ANK2: variants seen among roughly 807,000 people sequenced by gnomAD.
ANK2 encodes the protein ankyrin 2, also known as ankyrin-2.
ANK2 carries 83 observed loss-of-function variants against 360.5 expected under a neutral mutation model. The ratio of observed to expected loss-of-function variants is 0.23; its 90% confidence interval spans 0.19 to 0.28. The LOEUF is 0.28. Ranked by LOEUF, ANK2 falls within the 10% of genes least tolerant of loss-of-function variation. The pLI, the probability that ANK2 is intolerant of heterozygous loss-of-function variation, is 1.00. For missense variants in ANK2, 4,201 were observed against 4,795.7 expected, an observed-to-expected ratio of 0.88 and a Z score of 3.66; for synonymous variants, 1,740 against 1,759.5, an observed-to-expected ratio of 0.99 and a Z score of 0.28.
At chr4:112,707,502 C>CT in the ANK2 span, among the ~76,000 whole-genome samples, 3 of 151,734 alleles carry the variant, frequency 2.0e-5, no homozygotes, top group South Asian at 2.1e-4. Context: ...TGGAGCTATT[C>CT]TTTTTTTTAT....
At chr4:113,233,390 C>T (rs1225519052) in intron 5 of ANK2, among the ~76,000 whole-genome samples, 1 of 151,786 alleles carries the variant, frequency 6.6e-6, no homozygotes, top group Non-Finnish European at 1.5e-5. Context: ...CCGCCTCGGC[C>T]TCCCAAAGTG....
intron 1 of ANK2, among the ~76,000 whole-genome samples, chr4:113,166,436 T>G (rs796638022): frequency 6.6e-6 from 1 of 152,034 alleles, no homozygotes; most frequent in Admixed American, 6.5e-5. Context: ...TAAGTGTGTA[T>G]GTATATATGT....
chr4:113,211,966 A>C (rs929328042), intron 4 of ANK2, among the ~76,000 whole-genome samples: 11 of 152,148 alleles, frequency 7.2e-5, no homozygotes, highest in Non-Finnish European at 1.5e-4. Flanking sequence ...ATAAACAATT[A>C]CATCTTTACT....
chr4:112,991,006 C>A (rs755519170), intron 2 of ANK2, among the ~76,000 whole-genome samples: 1 of 152,178 alleles, frequency 6.6e-6, no homozygotes, highest in Non-Finnish European at 1.5e-5. Flanking sequence ...AATCCCAGCA[C>A]TTTGGGAGGC....
chr4:113,164,847 A>T (rs1336959538), intron 1 of ANK2, among the ~76,000 whole-genome samples: 3 of 152,204 alleles, frequency 2.0e-5, no homozygotes, highest in East Asian at 3.8e-4. Flanking sequence ...ACATCCTGTA[A>T]TATTTTAACA....
rs199828363 is a variant in ANK2, at chr4:113,356,560, G to T, written c.7942G>T (p.Gly2648Cys). 1.2e-6 allele frequency: 2 copies of T among 1,613,976 alleles called. No individual in the cohort carries two copies. The highest frequency in any genetic ancestry group is 1.3e-5 in the African/African-American group (1 of 74,904). ...TACAGGCAGTGGGGAGGATGAAAGT[G>T]GTGTCCCTGTGTTAGTAACTTCGGA... is the stretch of plus-strand genomic sequence containing the variant. ...KHTGSGEDES[G>C]VPVLVTSESR... Residue 2648 changes from glycine to cysteine, a missense_variant, in exon 38 of 46, where the codon GGT (glycine) becomes TGT (cysteine). Physicochemically the swap from Gly to Cys is radical, Grantham distance 159. Around this residue, in one of 4 missense-constraint regions of ANK2, gnomAD observed 2,642 missense variants for 2,714.5 expected, o/e 0.97. Transcript: ENST00000357077.
chr4:112,933,803 A>G (rs572111752), intron 2 of ANK2, among the ~76,000 whole-genome samples: 1 of 152,254 alleles, frequency 6.6e-6, no homozygotes, highest in East Asian at 1.9e-4. Context: ...CCCGGCAGAG[A>G]TGGTCTAATT....
intron 1 of ANK2, among the ~76,000 whole-genome samples, chr4:112,890,211 T>A (rs2079550231): frequency 6.6e-6 from 1 of 152,242 alleles, no homozygotes; most frequent in Admixed American, 6.5e-5. Flanking sequence ...ATTTTTGTTC[T>A]TTCACAGTGG....
At chr4:112,963,975 A>G (rs997473868) in intron 2 of ANK2, among the ~76,000 whole-genome samples, 2 of 151,692 alleles carry the variant, frequency 1.3e-5, no homozygotes, top group Non-Finnish European at 2.9e-5. Context: ...TTTTATTATT[A>G]TTTGACTATA....
chr4:112,864,863 T>C (rs1205952264), intron 1 of ANK2, among the ~76,000 whole-genome samples: 1 of 150,040 alleles, frequency 6.7e-6, no homozygotes, highest in Non-Finnish European at 1.5e-5. Context: ...AAACCCCGTC[T>C]CTACTAAAAA....
Position 112,976,256 on chromosome 4 carries a change from C to T in ANK2, c.21+71742C>T, listed in dbSNP as rs151063372. Among the ~76,000 whole-genome samples the T allele has an allele frequency of 7.9e-3, 1,200 of 151,620 alleles. 9 individuals carry two copies. The highest frequency in any genetic ancestry group is 0.014 in the Middle Eastern group (4 of 294). ...TCATCCAGGCTGGAATGCAGGGGCA[C>T]GATCTTGGCTCACTGCAACCTCCAT... is the stretch of plus-strand genomic sequence containing the variant. On this transcript the variant is annotated intron_variant, in intron 2 of 30. Coordinates refer to the ANK2 transcript ENST00000503271.
rs993667906 is a variant in ANK2, at chr4:113,330,614, G to A, written c.3125+144G>A. On this transcript the variant is annotated intron_variant, in intron 27 of 45. Coordinates refer to ENST00000357077, the MANE Select transcript of ANK2 (RefSeq NM_001148.6). ...AATGACATTTTTAAAATTGGAAGTA[G>A]CACCTCAATGCTTGACTCCACTTAC... 25 of 777,108 alleles carry A rather than the reference G, an allele frequency of 3.2e-5. No homozygotes were observed. In the African/African-American group the frequency reaches 4.2e-4, roughly 13 times the overall value. The allele number at this position is 777,108 out of a possible 1,614,324, so 48.1% of individuals were successfully genotyped here.
intron 2 of ANK2, among the ~76,000 whole-genome samples, chr4:112,933,551 A>T (rs1282285889): frequency 6.7e-6 from 1 of 150,206 alleles, no homozygotes; most frequent in Non-Finnish European, 1.5e-5. Context: ...CCCAGGCTGG[A>T]GTGCAATGGC....
chr4:112,965,288 T>G (rs1291005534), intron 2 of ANK2, among the ~76,000 whole-genome samples: 2 of 152,206 alleles, frequency 1.3e-5, no homozygotes, highest in Non-Finnish European at 2.9e-5. Context: ...CTGTTTGCCA[T>G]TTGTATGTCT....
intron 36 of ANK2, among the ~76,000 whole-genome samples, chr4:113,348,907 G>C (rs2154001455): frequency 6.6e-6 from 1 of 152,054 alleles, no homozygotes; most frequent in South Asian, 2.1e-4. Flanking sequence ...GTAATTTTTG[G>C]GAGTGTAAAG....
chr4:113,282,505 G>A (rs2062798045), intron 17 of ANK2, among the ~76,000 whole-genome samples, 170 bp from the exon 18 acceptor site: 1 of 152,176 alleles, frequency 6.6e-6, no homozygotes, highest in African/African-American at 2.4e-5. Flanking sequence ...TTTTATTGTA[G>A]AGATTCGGTT....
intron 1 of ANK2, among the ~76,000 whole-genome samples, chr4:112,854,871 G>C (rs1010064371): frequency 2.0e-5 from 3 of 152,176 alleles, no homozygotes; most frequent in Non-Finnish European, 2.9e-5. Flanking sequence ...GAATGGAGTA[G>C]AATGGGAGGG....
chr4:113,144,757 T>C (rs1293374009), intron 1 of ANK2, among the ~76,000 whole-genome samples: 2 of 147,704 alleles, frequency 1.4e-5, no homozygotes, highest in Admixed American at 1.4e-4. Flanking sequence ...ATATATTTTA[T>C]ATGGTTTTTA....
intron 18 of ANK2, among the ~76,000 whole-genome samples, chr4:113,283,198 C>G (rs1324263548): frequency 6.6e-6 from 1 of 152,190 alleles, no homozygotes; most frequent in Non-Finnish European, 1.5e-5. Context: ...GTTAACATCA[C>G]TATAATTGCT....
Sources: allele counts gnomAD v4.1 joint callset (sites outside exome capture counted in the v4.1 genomes callset), GRCh38; gene constraint gnomAD v4.1.1; regional missense constraint gnomAD v4.1.1; transcripts MANE v1.5; gene names NCBI Gene and HGNC (gene_info 2026-07-23, HGNC 2026-07-21).